MYBPC3: variants seen among roughly 807,000 people sequenced by gnomAD.
MYBPC3 encodes the protein myosin binding protein C3, also known as myosin-binding protein C, cardiac-type.
MYBPC3 carries 108 observed loss-of-function variants against 159.3 expected under a neutral mutation model. The observed-to-expected ratio is 0.68, with a 90% confidence interval of 0.58 to 0.80. MYBPC3 has a LOEUF of 0.80. Ranked by LOEUF, MYBPC3 falls within the 30% of genes least tolerant of loss-of-function variation. The pLI, the probability that MYBPC3 is intolerant of heterozygous loss-of-function variation, is 0.00. For missense variants in MYBPC3, 1,631 were observed against 1,762.1 expected, an observed-to-expected ratio of 0.93 and a Z score of 1.33; for synonymous variants, 730 against 702.0, an observed-to-expected ratio of 1.04 and a Z score of -0.63.
chr11:47,349,683 C>T, intron 5 of MYBPC3, 91 bp downstream of exon 5: 6 of 1,483,724 alleles, frequency 4.0e-6, no homozygotes, highest in African/African-American at 1.4e-5. Context: ...GTGTGTGCCT[C>T]TGGGTCTCAT....
intron 3 of MYBPC3, among the ~76,000 whole-genome samples, 169 bp downstream of exon 3, chr11:47,350,333 G>C (rs2142868489): frequency 6.6e-6 from 1 of 152,304 alleles, no homozygotes; most frequent in East Asian, 1.9e-4. Context: ...CATCATGTTA[G>C]CCAGGATGGT....
chr11:47,332,727 G>A lies in MYBPC3; in HGVS notation c.3491-25C>T, dbSNP rs543057652. The A allele has an allele frequency of 2.5e-5, 40 of 1,594,310 alleles. No individual in the cohort carries two copies. The highest frequency in any genetic ancestry group is 1.3e-4 in the African/African-American group (10 of 74,620). ...CCTGTTGGTGACAGGACTTGGTACCGAGAGGGCCACACAAAGCTAGGCCCC... is the reference window on the plus strand; with the variant it reads ...CCTGTTGGTGACAGGACTTGGTACCAAGAGGGCCACACAAAGCTAGGCCCC... On this transcript the variant is annotated intron_variant, in intron 31 of 34. Coordinates refer to ENST00000545968, the MANE Select transcript of MYBPC3 (RefSeq NM_000256.3). This position sits in a 1 kb window ranked among gnomAD's most constrained non-coding sequence, Gnocchi z 4.2.
At chr11:47,340,156 C>T (rs1459517077) in intron 20 of MYBPC3, among the ~76,000 whole-genome samples, 5 of 151,830 alleles carry the variant, frequency 3.3e-5, no homozygotes. Context: ...TACACACAGA[C>T]ACACATACAC....
chr11:47,343,711 G>C, intron 12 of MYBPC3, 87 bp from the exon 13 acceptor site: 3 of 1,390,496 alleles, frequency 2.2e-6, no homozygotes, highest in African/African-American at 2.9e-5. Flanking sequence ...CTGGGGCCCA[G>C]GTCCCCCCCT....
chr11:47,346,556 G>A lies in MYBPC3; in HGVS notation c.926+71C>T. On this transcript the variant is annotated intron_variant, in intron 11 of 34. Transcript: ENST00000545968. The surrounding 1 kb of genome is among the most constrained non-coding windows in gnomAD (Gnocchi z 5.3). Reference sequence around the variant, plus strand: ...CTGGGGGCCAAGGGAGCTGAAGAGGGGCTGGGGATCTGGAGGGGCTCCTGG... The same window carrying A: ...CTGGGGGCCAAGGGAGCTGAAGAGGAGCTGGGGATCTGGAGGGGCTCCTGG... 6.6e-7 allele frequency: 1 copy of A among 1,522,460 alleles called. No individual in the cohort carries two copies. Among genetic ancestry groups the A allele is most frequent in the Middle Eastern group, 1.8e-4 (1 of 5,464 alleles). The allele number at this position is 1,522,460 out of a possible 1,614,324, so 94.3% of individuals were successfully genotyped here.
At position 47,350,047 on chromosome 11, in the gene MYBPC3, C is replaced by T. The variant is rs3729986; in HGVS notation, c.472G>A (p.Val158Met). Reference sequence around the variant, plus strand: ...ACCTCGCCATCCTGTGGCCGCATCACGAAGAGGCCAATGGGGTCATCGGGG... The same window carrying T: ...ACCTCGCCATCCTGTGGCCGCATCATGAAGAGGCCAATGGGGTCATCGGGG... Reference protein sequence around the residue: ...GAPDDPIGLFVMRPQDGEVTV... With the variant: ...GAPDDPIGLFMMRPQDGEVTV... Residue 158 changes from valine to methionine, a missense_variant, in exon 4 of 35, where the codon GTG (valine) becomes ATG (methionine). Coordinates refer to ENST00000545968, the MANE Select transcript of MYBPC3 (RefSeq NM_000256.3). 0.087 allele frequency: 136,680 copies of T among 1,563,914 alleles called. 6,739 individuals are homozygous for T. Among genetic ancestry groups the T allele is most frequent in the Non-Finnish European group, 0.1 (116,173 of 1,153,802 alleles).
chr11:47,335,299 G>C, intron 26 of MYBPC3, 90 bp from the exon 27 acceptor site: 1 of 1,036,410 alleles, frequency 9.6e-7, no homozygotes, highest in Non-Finnish European at 1.3e-6. Context: ...GGAATCTCCA[G>C]GATTTAAATA....
rs752104988 is a variant in MYBPC3 at position 47,337,437 on chromosome 11, G to GA, written c.2555dup (p.Gly853ArgfsTer31). On this transcript the variant is annotated frameshift_variant, in exon 25 of 35. Transcript: ENST00000545968. LOFTEE classifies it high-confidence loss of function. ...AGGCAGGGCTGGGCCTGGACATGCC[G>GA]ATGGCGTTGACCGCGTAGACGCGCA... 2.5e-6 allele frequency: 4 copies of GA among 1,610,996 alleles called. No homozygotes were observed. The highest frequency in any genetic ancestry group is 8.5e-7 in the Non-Finnish European group (1 of 1,178,664).
At chr11:47,342,535 G>A (rs966814538) in intron 17 of MYBPC3, 43 bp downstream of exon 17, 5 of 1,507,872 alleles carry the variant, frequency 3.3e-6, no homozygotes, top group African/African-American at 2.7e-5. Context: ...GGGCTGAGGG[G>A]TCCAAGCCCT....
At position 47,350,059 on chromosome 11, in the gene MYBPC3, TG is replaced by T. The variant is rs397516052; in HGVS notation, c.459del (p.Ile154LeufsTer5). On this transcript the variant is annotated frameshift_variant, in exon 4 of 35. Transcript: ENST00000545968. LOFTEE classifies it high-confidence loss of function. The part of the protein sequence containing the change: ...NGPTPGAPDD[P>X]IGLFVMRPQD... Reference sequence around the variant, plus strand: ...TGTGGCCGCATCACGAAGAGGCCAATGGGGTCATCGGGGGCTCCAGGGGTAG... The same window carrying T: ...TGTGGCCGCATCACGAAGAGGCCAATGGGTCATCGGGGGCTCCAGGGGTAG... The T allele has an allele frequency of 1.3e-6, 2 of 1,564,050 alleles. No individual in the cohort carries two copies. Among genetic ancestry groups the T allele is most frequent in the South Asian group, 1.2e-5 (1 of 84,866 alleles).
At position 47,338,860 on chromosome 11, in the gene MYBPC3, G is replaced by A. The variant is rs1412965598; in HGVS notation, c.2149-181C>T. 2.6e-5 allele frequency among the ~76,000 whole-genome samples: 4 copies of A among 152,118 alleles called. No homozygotes were observed. The highest frequency in any genetic ancestry group is 4.8e-5 in the African/African-American group (2 of 41,420). On this transcript the variant is annotated intron_variant, in intron 22 of 34. Transcript: ENST00000545968. The surrounding 1 kb of genome is among the most constrained non-coding windows in gnomAD (Gnocchi z 4.7). The stretch of plus-strand genomic sequence containing the variant: ...GCACCGACTGAGGGCAGGGGCTCGG[G>A]TTCTAGCTTTGTCACGGGACCTGGG...
chr11:47,333,754 T>C lies in MYBPC3; in HGVS notation c.2995-2A>G, dbSNP rs1337762846. The stretch of plus-strand genomic sequence containing the variant: ...GGTCACCTGAGGCCGGGGCTTGCCC[T>C]GAGGGGAGGAAAAGCTTAACCCTGA... On this transcript the variant is annotated splice_acceptor_variant, in intron 28 of 34. Transcript: ENST00000545968. LOFTEE classifies it high-confidence loss of function. 6.3e-7 allele frequency: 1 copy of C among 1,589,850 alleles called. No homozygotes were observed. The highest frequency in any genetic ancestry group is 1.7e-5 in the Admixed American group (1 of 58,902).
chr11:47,343,497 G>A lies in MYBPC3; in HGVS notation c.1218C>T (p.Ser406=), dbSNP rs748558425. ...WLKNGQEIQM[S]GSKYIFESIG... ...CTCCCCACCCCAGGCTGCACCTGCC[G>A]CTCATCTGGATCTCCTGGCCATTCT... Residue 406 remains serine, a synonymous_variant, in exon 13 of 35, where the codon AGC becomes AGT. Coordinates refer to ENST00000545968, the MANE Select transcript of MYBPC3 (RefSeq NM_000256.3). The A allele has an allele frequency of 2.4e-5, 35 of 1,440,824 alleles. No homozygotes were observed. The highest frequency in any genetic ancestry group is 1.9e-4 in the Middle Eastern group (1 of 5,256). 89.3% of individuals were successfully genotyped at this position (1,440,824 alleles called of 1,614,324 possible).
rs185428948 is a variant in MYBPC3 at position 47,333,215 on chromosome 11, C to T, written c.3309G>A (p.Gln1103=). 5.6e-6 allele frequency: 9 copies of T among 1,600,798 alleles called. No homozygotes were observed. In the South Asian group the frequency reaches 1.0e-4, roughly 18 times the overall value. The change falls in exon 30 of 35, where the codon CAG becomes CAA. Residue 1103 remains glutamine, a synonymous_variant. Transcript: ENST00000545968. ...GNTELWGYTV[Q]KADKKTMEWF... is the part of the protein sequence containing the mutation. The stretch of plus-strand genomic sequence containing the variant: ...TCACCATGGTCTTCTTGTCGGCTTT[C>T]TGCACTGTGTACCCCCAGAGCTCCG...
chr11:47,339,892 T>G, intron 20 of MYBPC3, 102 bp from the exon 21 acceptor site: 1 of 1,339,378 alleles, frequency 7.5e-7, no homozygotes, highest in Non-Finnish European at 1.0e-6. Context: ...GTTATTGGTT[T>G]TTTAGATTTG....
rs369864892 is a variant in MYBPC3 at position 47,349,757 on chromosome 11, G to A, written c.654+17C>T. ...ATGTCCCCTCTCTCCGTGTCTCCACGACCCCGGTGGACCCACCTTGCTGGC... is the reference window on the plus strand; with the variant it reads ...ATGTCCCCTCTCTCCGTGTCTCCACAACCCCGGTGGACCCACCTTGCTGGC... On this transcript the variant is annotated intron_variant, in intron 5 of 34. Coordinates refer to ENST00000545968, the MANE Select transcript of MYBPC3 (RefSeq NM_000256.3). The A allele has an allele frequency of 9.5e-5, 152 of 1,599,782 alleles. 1 individual carries two copies. Among genetic ancestry groups the A allele is most frequent in the Middle Eastern group, 3.6e-4 (2 of 5,588 alleles).
chr11:47,336,378 T>G, intron 25 of MYBPC3: 1 of 161,638 alleles, frequency 6.2e-6, no homozygotes, highest in Non-Finnish European at 1.3e-5. Context: ...TCCCAGCTAC[T>G]CAGAAGGCTG....
chr11:47,332,964 T>C lies in MYBPC3; in HGVS notation c.3340A>G (p.Thr1114Ala), dbSNP rs1595841329. The C allele has an allele frequency of 1.2e-6, 2 of 1,609,678 alleles. No homozygotes were observed. The highest frequency in any genetic ancestry group is 1.7e-6 in the Non-Finnish European group (2 of 1,178,156). The change falls in exon 31 of 35, where the codon ACC (threonine) becomes GCC (alanine). Residue 1114 changes from threonine (T) to alanine (A), a missense_variant. Physicochemically the swap from Thr to Ala is moderately conservative, Grantham distance 58 (BLOSUM62 0). Transcript: ENST00000545968. The surrounding 1 kb of genome is among the most constrained non-coding windows in gnomAD (Gnocchi z 4.2). ...KADKKTMEWF[T>A]VLEHYRRTHC... The stretch of plus-strand genomic sequence containing the variant: ...GTGCGGCGGTAATGCTCCAAGACGG[T>C]GAACCACTCCTGGGGGCAGGGAGGG...
intron 1 of MYBPC3, among the ~76,000 whole-genome samples, chr11:47,352,197 C>T (rs1208779196): frequency 3.3e-5 from 5 of 152,280 alleles, no homozygotes; most frequent in Admixed American, 6.5e-5. Flanking sequence ...CCCCCGGCAC[C>T]CCAGGTTGGG....
Sources: gnomAD v4.1 joint callset for allele counts (sites outside exome capture counted in the v4.1 genomes callset) on GRCh38, gnomAD v4.1.1 for gene constraint, Gnocchi (gnomAD v3.1) non-coding constraint, MANE v1.5 for transcripts, NCBI Gene and HGNC (gene_info 2026-07-23, HGNC 2026-07-21) for gene names.